Variants in RSL24D1 observed in about 807,000 individuals in gnomAD.
The protein encoded by RSL24D1 is ribosomal L24 domain containing 1, also known as probable ribosome biogenesis protein RLP24.
Under a neutral mutation model 26.2 loss-of-function variants are expected in RSL24D1, and 6 were observed. That is an observed-to-expected ratio of 0.23 (90% CI 0.13 to 0.45). The LOEUF (loss-of-function observed/expected upper bound fraction) is 0.45. Ranked by LOEUF, RSL24D1 falls within the 20% of genes least tolerant of loss-of-function variation. The probability of loss-of-function intolerance (pLI) is 0.99; values close to 1 mark genes in which losing one functional copy is unlikely to be tolerated. For synonymous variants in RSL24D1, 61 were observed against 59.1 expected (o/e 1.03, Z -0.15); for missense variants, 176 against 202.6 (o/e 0.87, Z 0.80).
chr15:55,196,501 G>A (rs1052373410), intron 1 of RSL24D1: 1 of 580,926 alleles, frequency 1.7e-6, no homozygotes, highest in Non-Finnish European at 3.2e-6. Context: ...CCAAGTACAT[G>A]AGTGGCCAAA....
At chr15:55,195,024 CAAA>C (rs34525957) in intron 1 of RSL24D1, among the ~76,000 whole-genome samples, 3 of 48,274 alleles carry the variant, frequency 6.2e-5, no homozygotes, top group Middle Eastern at 0.014. Flanking sequence ...GACCCTGTCT[CAAA>C]AAAAAAAAAA....
At chr15:55,183,820 T>A (rs1470826730) in intron 4 of RSL24D1, among the ~76,000 whole-genome samples, 1 of 152,182 alleles carries the variant, frequency 6.6e-6, no homozygotes, top group Non-Finnish European at 1.5e-5. Context: ...CAACACTTAT[T>A]CATTCATTCA....
rs1304244034 is a variant in RSL24D1, at chr15:55,181,976, T to C, written c.*176A>G. The C allele has an allele frequency of 9.3e-6, 5 of 537,282 alleles. No homozygotes were observed. The East Asian group carries it at 1.2e-4, about 13-fold the overall frequency. 33.3% of individuals were successfully genotyped at this position (537,282 alleles called of 1,614,324 possible). On this transcript the variant is annotated 3_prime_UTR_variant, in exon 6 of 6. Coordinates refer to ENST00000260443, the MANE Select transcript of RSL24D1 (RefSeq NM_016304.3). Reference sequence around the variant, plus strand: ...ACATCTATCAGTAAAGATTTAACACTGAGATGCAATCTAACATCCGTAATA... The same window carrying C: ...ACATCTATCAGTAAAGATTTAACACCGAGATGCAATCTAACATCCGTAATA...
chr15:55,192,600 TA>T, intron 2 of RSL24D1, 119 bp downstream of exon 2: 1 of 620,974 alleles, frequency 1.6e-6, no homozygotes, highest in Admixed American at 2.9e-5. Context: ...CAAATACAAA[TA>T]AGGTACTTAT....
At chr15:55,195,360 A>G (rs959098686) in intron 1 of RSL24D1, 1 of 152,224 alleles carries the variant, frequency 6.6e-6, no homozygotes, top group African/African-American at 2.4e-5. Context: ...TTAGGTTTGG[A>G]AATCAAGCAT....
chr15:55,191,005 T>C lies in RSL24D1; in HGVS notation c.238A>G (p.Lys80Glu), dbSNP rs1894291182. ...TTATTCCATAGCTCTCGCTGGTATT[T>C]GATAGGTTCATTTCTACGTTTTTCA... The part of the protein sequence containing the change: ...EFEKRRNEPI[K>E]YQRELWNKTI... Residue 80 changes from lysine (K) to glutamate (E), a missense_variant, in exon 3 of 6, where the codon AAA becomes GAA. Coordinates refer to ENST00000260443, the MANE Select transcript of RSL24D1 (RefSeq NM_016304.3). The C allele has an allele frequency of 6.2e-7, 1 of 1,605,154 alleles. No homozygotes were observed. The highest frequency in any genetic ancestry group is 8.5e-7 in the Non-Finnish European group (1 of 1,177,094).
At chr15:55,192,636 T>C (rs779895054) in intron 2 of RSL24D1, 84 bp downstream of exon 2, 91 of 923,748 alleles carry the variant, frequency 9.9e-5, no homozygotes, top group Non-Finnish European at 1.5e-4. Flanking sequence ...GAGGCCTTGT[T>C]ATGATTGATT....
chr15:55,196,939 A>G lies in RSL24D1; in HGVS notation c.-49T>C. On this transcript the variant is annotated 5_prime_UTR_variant, in exon 1 of 6. Coordinates refer to ENST00000260443, the MANE Select transcript of RSL24D1 (RefSeq NM_016304.3). ...CAAACAAACGCCAAGCTTGAGAGGA[A>G]GTGATGCAACCCCGTCACCGGAAGT... 6.3e-7 allele frequency: 1 copy of G among 1,577,986 alleles called. No individual in the cohort carries two copies. The highest frequency in any genetic ancestry group is 8.7e-7 in the Non-Finnish European group (1 of 1,148,180).
In RSL24D1 at chr15:55,192,756, T is replaced by C. The variant is rs1028803526; in HGVS notation, c.159A>G (p.Lys53=). 6.2e-7 allele frequency: 1 copy of C among 1,613,888 alleles called. No homozygotes were observed. Among genetic ancestry groups the C allele is most frequent in the East Asian group, 2.2e-5 (1 of 44,860 alleles). The change falls in exon 2 of 6, where the codon AAA becomes AAG. Residue 53 remains lysine, a synonymous_variant. Transcript: ENST00000260443. ...KRNPRKVRWT[K]AFRKAAGKEL... is the part of the protein sequence containing the mutation. ...CTTTACCAGCTGCTTTCCGGAATGC[T>C]TTGGTCCACCTAACTTTGCGAGGAT...
At chr15:55,196,755 C>T (rs1211072574) in intron 1 of RSL24D1, 55 bp downstream of exon 1, 6 of 1,571,726 alleles carry the variant, frequency 3.8e-6, no homozygotes, top group Middle Eastern at 1.7e-4. Context: ...CGAGCCGCCG[C>T]GCCCAGGAAC....
At position 55,196,922 on chromosome 15, in the gene RSL24D1, C is replaced by G; in HGVS notation, c.-32G>C. 1 of 1,608,188 alleles carries G rather than the reference C, an allele frequency of 6.2e-7. No homozygotes were observed. Among genetic ancestry groups the G allele is most frequent in the Non-Finnish European group, 8.5e-7 (1 of 1,174,928 alleles). ...CCCGCGTGTAACCCCACCAAACAAA[C>G]GCCAAGCTTGAGAGGAAGTGATGCA... On this transcript the variant is annotated 5_prime_UTR_variant, in exon 1 of 6. Coordinates refer to ENST00000260443, the MANE Select transcript of RSL24D1 (RefSeq NM_016304.3).
chr15:55,190,414 CA>C (rs146559322), intron 3 of RSL24D1, among the ~76,000 whole-genome samples: 3 of 151,252 alleles, frequency 2.0e-5, no homozygotes, highest in Non-Finnish European at 3.0e-5. Flanking sequence ...CAAAACAAAA[CA>C]AAAAAAACAA....
At chr15:55,189,433 G>T (rs1041951794) in intron 3 of RSL24D1, among the ~76,000 whole-genome samples, 2 of 152,094 alleles carry the variant, frequency 1.3e-5, no homozygotes, top group Non-Finnish European at 2.9e-5. Context: ...AGGGGTTGGG[G>T]GAGACCCAAA....
Position 55,182,073 on chromosome 15 carries a change from A to G in RSL24D1, c.*79T>C, listed in dbSNP as rs1402834968. The G allele has an allele frequency of 2.7e-5, 23 of 855,298 alleles. No homozygotes were observed. In the Admixed American group the frequency reaches 5.0e-4, roughly 18 times the overall value. The allele number at this position is 855,298 out of a possible 1,614,324, so 53.0% of individuals were successfully genotyped here. ...CTTTTCATTTAAGTGACCTTATGTAAAAAATAAAATAATTTAGCAGTTCCA... is the reference window on the plus strand; with the variant it reads ...CTTTTCATTTAAGTGACCTTATGTAGAAAATAAAATAATTTAGCAGTTCCA... On this transcript the variant is annotated 3_prime_UTR_variant, in exon 6 of 6. Transcript: ENST00000260443.
intron 3 of RSL24D1, among the ~76,000 whole-genome samples, chr15:55,189,607 AT>A (rs888768996): frequency 2.6e-5 from 4 of 151,394 alleles, no homozygotes; most frequent in South Asian, 2.1e-4. Flanking sequence ...TTTTTTTGCA[AT>A]TTTTTTTTCC....
chr15:55,196,548 T>C (rs533723095), intron 1 of RSL24D1: 26 of 591,444 alleles, frequency 4.4e-5, no homozygotes, highest in Admixed American at 3.2e-4. Context: ...TGGTAGGCGC[T>C]AGCTGGGATC....
At chr15:55,196,703 G>C in intron 1 of RSL24D1, 107 bp downstream of exon 1, 1 of 1,056,872 alleles carries the variant, frequency 9.5e-7, no homozygotes, top group Non-Finnish European at 1.4e-6. Context: ...AACAACGGGA[G>C]GAACCCGGGC....
At chr15:55,185,073 CTGAT>C (rs1229678999) in intron 4 of RSL24D1, among the ~76,000 whole-genome samples, 1 of 152,084 alleles carries the variant, frequency 6.6e-6, no homozygotes, top group Non-Finnish European at 1.5e-5. Flanking sequence ...AATTTCCTGA[CTGAT>C]AGATAACCAT....
In RSL24D1 at chr15:55,183,250, C is replaced by T. The variant is rs920435435; in HGVS notation, c.418+65G>A. 3.1e-5 allele frequency: 36 copies of T among 1,156,096 alleles called. No homozygotes were observed. The Admixed American group carries it at 7.0e-4, about 23-fold the overall frequency. The allele number at this position is 1,156,096 out of a possible 1,614,324, so 71.6% of individuals were successfully genotyped here. On this transcript the variant is annotated intron_variant, in intron 5 of 5. Coordinates refer to ENST00000260443, the MANE Select transcript of RSL24D1 (RefSeq NM_016304.3). ...AAGATAATATTTATAGGAAAAAATA[C>T]CCAAAGTTAGTTGGTACCCAAATAC...
Sources: allele counts gnomAD v4.1 joint callset (sites outside exome capture counted in the v4.1 genomes callset), GRCh38; gene constraint gnomAD v4.1.1; transcripts MANE v1.5; gene names NCBI Gene and HGNC (gene_info 2026-07-23, HGNC 2026-07-21).